Variants in KIF26B observed in about 807,000 individuals in gnomAD.
KIF26B encodes the protein kinesin family member 26B, also known as kinesin-like protein KIF26B.
KIF26B carries 63 observed loss-of-function variants against 151.2 expected under a neutral mutation model. The ratio of observed to expected loss-of-function variants is 0.42; its 90% confidence interval spans 0.34 to 0.51. The LOEUF (loss-of-function observed/expected upper bound fraction) is 0.51. Among genes scored for constraint, KIF26B ranks in the 20% least tolerant of loss-of-function variants. The pLI is 0.07. For synonymous variants in KIF26B, 1,357 were observed against 1,262.1 expected (o/e 1.08, Z -1.59); for missense variants, 2,813 against 2,913.6 (o/e 0.97, Z 0.79).
At chr1:245,683,505 A>G (rs965993027) in intron 10 of KIF26B, among the ~76,000 whole-genome samples, 2 of 152,174 alleles carry the variant, frequency 1.3e-5, no homozygotes, top group Middle Eastern at 3.2e-3. Context: ...ACTCCCTGCA[A>G]ACCCCAGGGC....
At chr1:245,701,327 C>T (rs188455474) in intron 14 of KIF26B, among the ~76,000 whole-genome samples, 9 of 152,168 alleles carry the variant, frequency 5.9e-5, no homozygotes, top group Non-Finnish European at 8.8e-5. Flanking sequence ...ATTTTTAGTT[C>T]TATTATTTCT....
chr1:245,551,866 G>T (rs538298222), intron 5 of KIF26B, among the ~76,000 whole-genome samples: 1 of 152,092 alleles, frequency 6.6e-6, no homozygotes, highest in African/African-American at 2.4e-5. Flanking sequence ...CAGGCTGGGT[G>T]CCCCCTCGTG....
At chr1:245,567,618 A>C (rs982466219) in intron 5 of KIF26B, among the ~76,000 whole-genome samples, 4 of 152,168 alleles carry the variant, frequency 2.6e-5, no homozygotes, top group African/African-American at 9.7e-5. Context: ...CCTTACAGAG[A>C]GGTTCACTCC....
At chr1:245,455,986 A>G (rs1148922) in intron 4 of KIF26B, among the ~76,000 whole-genome samples, 40,047 of 152,054 alleles carry the variant, frequency 0.26, 5,401 homozygotes, top group East Asian at 0.34. Context: ...TGGCCCATTA[A>G]AAAAAATTGA....
intron 2 of KIF26B, among the ~76,000 whole-genome samples, chr1:245,342,749 C>T (rs149949690): frequency 3.3e-5 from 5 of 152,048 alleles, no homozygotes; most frequent in Admixed American, 1.3e-4. Flanking sequence ...AGGATGGAGA[C>T]GTCAACCTGA....
At chr1:245,674,477 C>A (rs752011485) in intron 10 of KIF26B, among the ~76,000 whole-genome samples, 17 of 152,154 alleles carry the variant, frequency 1.1e-4, no homozygotes, top group Non-Finnish European at 1.0e-4. Context: ...GGTCTTATTA[C>A]CGAATCTTTC....
chr1:245,484,714 T>TTCC (rs1428440114), intron 4 of KIF26B, among the ~76,000 whole-genome samples: 1 of 149,910 alleles, frequency 6.7e-6, no homozygotes, highest in South Asian at 2.1e-4. Context: ...CTCCTTCTTC[T>TTCC]TTCTTCTTTC....
At chr1:245,172,850 C>T (rs542689634) in intron 2 of KIF26B, among the ~76,000 whole-genome samples, 1 of 152,058 alleles carries the variant, frequency 6.6e-6, no homozygotes, top group African/African-American at 2.4e-5. Context: ...GGTGGCCCAC[C>T]ACATCAATTT....
intron 2 of KIF26B, among the ~76,000 whole-genome samples, chr1:245,197,552 G>A (rs965224818): frequency 1.3e-5 from 2 of 152,152 alleles, no homozygotes; most frequent in Admixed American, 6.5e-5. Flanking sequence ...CGATGGGGCT[G>A]TGTAAGTTAT....
chr1:245,431,812 T>A (rs1172381598), intron 4 of KIF26B, among the ~76,000 whole-genome samples: 2 of 152,192 alleles, frequency 1.3e-5, no homozygotes, highest in Non-Finnish European at 2.9e-5. Flanking sequence ...ATTTTGTTAG[T>A]TACTAAAATA....
chr1:245,369,148 G>A (rs1673034965), intron 3 of KIF26B, among the ~76,000 whole-genome samples: 1 of 149,674 alleles, frequency 6.7e-6, no homozygotes, highest in South Asian at 2.1e-4. Context: ...GCAAGACTCT[G>A]AATTGGGAAA....
chr1:245,650,140 T>C (rs1388180530), intron 10 of KIF26B, among the ~76,000 whole-genome samples: 1 of 152,220 alleles, frequency 6.6e-6, no homozygotes, highest in Non-Finnish European at 1.5e-5. Context: ...CAACCCCTCG[T>C]CAGTTCTGCA....
At chr1:245,292,659 T>G (rs116109249) in intron 2 of KIF26B, among the ~76,000 whole-genome samples, 1,729 of 152,320 alleles carry the variant, frequency 0.011, 20 homozygotes, top group African/African-American at 0.039. Context: ...ACAGAGGCCT[T>G]CCTTCTGGCG....
chr1:245,688,568 G>A lies in KIF26B; in HGVS notation c.5585G>A (p.Arg1862His), dbSNP rs531731952. 5.8e-5 allele frequency: 91 copies of A among 1,556,010 alleles called. 1 individual carries two copies. Among genetic ancestry groups the A allele is most frequent in the South Asian group, 3.3e-4 (28 of 84,460 alleles). Reference protein sequence around the residue: ...SKITPPRRPHRCSSGHGSDNS... With the variant: ...SKITPPRRPHHCSSGHGSDNS... ...ATCACGCCCCCGCGGAGGCCCCACC[G>A]CTGCAGCAGCGGCCACGGCAGCGAC... is the stretch of plus-strand genomic sequence containing the variant. Residue 1862 changes from arginine to histidine, a missense_variant, in exon 12 of 15, where the codon CGC (arginine) becomes CAC (histidine). Around this residue, in one of 3 missense-constraint regions of KIF26B, gnomAD observed 2,060 missense variants for 2,088.6 expected, o/e 0.99. Transcript: ENST00000407071.
chr1:245,450,466 C>A (rs1387706479), intron 4 of KIF26B, among the ~76,000 whole-genome samples: 1 of 152,206 alleles, frequency 6.6e-6, no homozygotes, highest in East Asian at 1.9e-4. Context: ...ATGATCTAAT[C>A]CTTTCTCAAA....
At chr1:245,439,354 A>AG (rs1659009731) in intron 4 of KIF26B, among the ~76,000 whole-genome samples, 2 of 130,540 alleles carry the variant, frequency 1.5e-5, no homozygotes, top group Admixed American at 8.6e-5. Flanking sequence ...CTCAAAAAAA[A>AG]AAAAAAAAAG....
Position 245,554,162 on chromosome 1 carries a change from A to T in KIF26B, c.1350+13212A>T, listed in dbSNP as rs563062589. Among the ~76,000 whole-genome samples, 8 of 152,094 alleles carry T rather than the reference A, an allele frequency of 5.3e-5. No individual in the cohort carries two copies. The South Asian group carries it at 1.7e-3, about 32-fold the overall frequency. On this transcript the variant is annotated intron_variant, in intron 5 of 14. Transcript: ENST00000407071. The stretch of plus-strand genomic sequence containing the variant: ...ACCATCCCTTGCCCAGATTTCTCTG[A>T]TTAACCATTCACCACTCTGTTGCTG...
intron 2 of KIF26B, among the ~76,000 whole-genome samples, chr1:245,162,947 TGA>T (rs999438556): frequency 2.0e-5 from 3 of 152,248 alleles, no homozygotes; most frequent in African/African-American, 7.2e-5. Flanking sequence ...TCTAATCCAT[TGA>T]GAGATTATTT....
At chr1:245,378,681 A>G (rs1673332228) in intron 3 of KIF26B, among the ~76,000 whole-genome samples, 2 of 152,294 alleles carry the variant, frequency 1.3e-5, no homozygotes, top group Non-Finnish European at 2.9e-5. Context: ...TTTCATTTTA[A>G]TGACAAAGAA....
Sources: allele counts gnomAD v4.1 joint callset (sites outside exome capture counted in the v4.1 genomes callset), GRCh38; gene constraint gnomAD v4.1.1; regional missense constraint gnomAD v4.1.1; transcripts MANE v1.5; gene names NCBI Gene and HGNC (gene_info 2026-07-23, HGNC 2026-07-21).